Variants in ACTR2 observed in about 807,000 individuals in gnomAD.
The protein encoded by ACTR2 is actin related protein 2, also known as actin-related protein 2.
Under a neutral mutation model 50.2 loss-of-function variants are expected in ACTR2, and 5 were observed. The observed-to-expected ratio is 0.10, with a 90% CI of 0.05 to 0.21. The LOEUF (loss-of-function observed/expected upper bound fraction) is 0.21. ACTR2 is among the 10% of genes least tolerant of loss of function. The probability of loss-of-function intolerance (pLI) is 1.00; values close to 1 mark genes in which losing one functional copy is unlikely to be tolerated. For missense variants in ACTR2, 180 were observed against 480.6 expected (o/e 0.37, Z 5.85); for synonymous variants, 140 against 162.9 (o/e 0.86, Z 1.07).
chr2:65,248,703 G>A (rs1413211738), intron 3 of ACTR2, among the ~76,000 whole-genome samples: 1 of 152,072 alleles, frequency 6.6e-6, no homozygotes, highest in African/African-American at 2.4e-5. Flanking sequence ...GGACCAGAGA[G>A]ATAGGAGGAG....
At chr2:65,257,262 G>A (rs1258026193) in intron 6 of ACTR2, among the ~76,000 whole-genome samples, 3 of 152,232 alleles carry the variant, frequency 2.0e-5, no homozygotes, top group African/African-American at 4.8e-5. Context: ...CCATGCCCCT[G>A]TAAAGGACAT....
chr2:65,251,519 A>C (rs999898648), intron 4 of ACTR2, among the ~76,000 whole-genome samples: 3 of 152,042 alleles, frequency 2.0e-5, no homozygotes, highest in Non-Finnish European at 4.4e-5. Context: ...GTGCCACCAC[A>C]CCTGGCTAAT....
intron 6 of ACTR2, among the ~76,000 whole-genome samples, chr2:65,260,991 A>G (rs966168656): frequency 5.3e-5 from 8 of 152,018 alleles, no homozygotes; most frequent in African/African-American, 1.9e-4. Context: ...CAGCCTCCCA[A>G]AGTGCTGGGA....
In ACTR2 at chr2:65,255,171, T is replaced by C. The variant is rs574799843; in HGVS notation, c.586-374T>C. 7.2e-5 allele frequency among the ~76,000 whole-genome samples: 11 copies of C among 152,324 alleles called. No individual in the cohort carries two copies. The South Asian group carries it at 1.9e-3, about 26-fold the overall frequency. ...TAAAGACTTGGGGGCATTTCATAAA[T>C]ATGGCATTAATTGTGTGAGCAAACT... is the stretch of plus-strand genomic sequence containing the variant. On this transcript the variant is annotated intron_variant, in intron 5 of 8. Coordinates refer to ENST00000260641, the MANE Select transcript of ACTR2 (RefSeq NM_005722.4).
intron 3 of ACTR2, among the ~76,000 whole-genome samples, chr2:65,248,624 G>T (rs940373249): frequency 6.6e-6 from 1 of 152,138 alleles, no homozygotes; most frequent in Non-Finnish European, 1.5e-5. Flanking sequence ...TTATAGGTCT[G>T]TTTTGAAGGT....
intron 3 of ACTR2, among the ~76,000 whole-genome samples, chr2:65,249,133 C>T (rs1671996459): frequency 6.6e-6 from 1 of 152,100 alleles, no homozygotes; most frequent in African/African-American, 2.4e-5. Flanking sequence ...TTTCAAGGTT[C>T]TTTTATTTTT....
At chr2:65,243,641 G>A (rs1671882157) in intron 2 of ACTR2, among the ~76,000 whole-genome samples, 1 of 152,046 alleles carries the variant, frequency 6.6e-6, no homozygotes, top group South Asian at 2.1e-4. Context: ...TTAGTTAATT[G>A]AACAAACAAA....
chr2:65,267,343 C>T (rs1191029287), intron 8 of ACTR2, among the ~76,000 whole-genome samples: 2 of 152,098 alleles, frequency 1.3e-5, no homozygotes, highest in Non-Finnish European at 2.9e-5. Context: ...AGTTTGCTGA[C>T]CCCTATGTAA....
chr2:65,268,800 C>T lies in ACTR2; in HGVS notation c.*66C>T. 2 of 1,513,756 alleles carry T rather than the reference C, an allele frequency of 1.3e-6. No homozygotes were observed. Among genetic ancestry groups the T allele is most frequent in the South Asian group, 2.5e-5 (2 of 79,478 alleles). The allele number at this position is 1,513,756 out of a possible 1,614,324, so 93.8% of individuals were successfully genotyped here. ...TTTTCCTTTATTGCCAATCTTTGAA[C>T]TCATTCAACTCCAGGACATGGAAGA... On this transcript the variant is annotated 3_prime_UTR_variant, in exon 9 of 9. Transcript: ENST00000260641.
chr2:65,262,933 T>C (rs1672297816), intron 7 of ACTR2, among the ~76,000 whole-genome samples: 1 of 151,418 alleles, frequency 6.6e-6, no homozygotes, highest in South Asian at 2.1e-4. Flanking sequence ...GTCACTGCAC[T>C]CCAGCCTGGG....
At position 65,238,385 on chromosome 2, in the gene ACTR2, C is replaced by T. The variant is rs192412283; in HGVS notation, c.49-1467C>T. On this transcript the variant is annotated intron_variant, in intron 1 of 8. Transcript: ENST00000260641. ...ATGTAAAAATGTAAATAGGGCCAGG[C>T]GCGGTGGCTCACGCCTGTAATCCCA... Among the ~76,000 whole-genome samples, 1,499 of 152,176 alleles carry T rather than the reference C, an allele frequency of 9.9e-3. 19 individuals are homozygous for T. Among genetic ancestry groups the T allele is most frequent in the South Asian group, 0.024 (115 of 4,820 alleles).
intron 1 of ACTR2, among the ~76,000 whole-genome samples, chr2:65,238,704 A>G (rs1241251738): frequency 6.7e-6 from 1 of 149,542 alleles, no homozygotes; most frequent in African/African-American, 2.5e-5. Flanking sequence ...CGGTGACTCA[A>G]CGCCTGCAAT....
chr2:65,233,481 C>T (rs1364804739), intron 1 of ACTR2, among the ~76,000 whole-genome samples: 6 of 151,752 alleles, frequency 4.0e-5, no homozygotes, highest in Admixed American at 2.6e-4. Context: ...AGCGAGACCC[C>T]TGTCTCCACA....
chr2:65,265,693 TATGTACAGTAG>T, intron 8 of ACTR2, among the ~76,000 whole-genome samples: 2 of 152,336 alleles, frequency 1.3e-5, no homozygotes, highest in South Asian at 4.1e-4. Context: ...TTGTTGTTGG[TATGTACAGTAG>T]AAAGAAATTT....
intron 1 of ACTR2, among the ~76,000 whole-genome samples, chr2:65,233,985 A>G (rs930450852): frequency 6.6e-6 from 1 of 151,848 alleles, no homozygotes; most frequent in Admixed American, 6.6e-5. Context: ...TCAAGGCTCA[A>G]CGTAGCCTCA....
At chr2:65,267,863 T>C (rs12995945) in intron 8 of ACTR2, among the ~76,000 whole-genome samples, 1 of 18,408 alleles carries the variant, frequency 5.4e-5, no homozygotes, top group Non-Finnish European at 9.8e-5. Flanking sequence ...GCAAGTCCTC[T>C]TTTTTTTTTT....
intron 8 of ACTR2, among the ~76,000 whole-genome samples, chr2:65,265,759 T>G (rs1672358117): frequency 6.6e-6 from 1 of 152,186 alleles, no homozygotes; most frequent in South Asian, 2.1e-4. Flanking sequence ...GGTTTTTGTG[T>G]TTTTTCCACC....
intron 1 of ACTR2, among the ~76,000 whole-genome samples, chr2:65,233,646 C>G (rs889756916): frequency 3.3e-5 from 5 of 151,672 alleles, no homozygotes; most frequent in African/African-American, 1.2e-4. Context: ...GAGTCTCACT[C>G]TGTCTCCCAG....
intron 5 of ACTR2, among the ~76,000 whole-genome samples, chr2:65,254,998 ATAG>A (rs1238934587): frequency 2.0e-5 from 3 of 152,180 alleles, no homozygotes; most frequent in African/African-American, 2.4e-5. Flanking sequence ...TTTTAAAAAA[ATAG>A]TAGTATTTTC....
Sources: gnomAD v4.1 joint callset for allele counts (sites outside exome capture counted in the v4.1 genomes callset) on GRCh38, gnomAD v4.1.1 for gene constraint, MANE v1.5 for transcripts, NCBI Gene and HGNC (gene_info 2026-07-23, HGNC 2026-07-21) for gene names.